LRRC4C: variants seen among roughly 807,000 people sequenced by gnomAD.
The protein encoded by LRRC4C is leucine rich repeat containing 4C.
Under a neutral mutation model 33.6 loss-of-function variants are expected in LRRC4C, and 5 were observed. The observed-to-expected ratio is 0.15, with a 90% confidence interval of 0.08 to 0.31. The LOEUF is 0.31. Among genes scored for constraint, LRRC4C ranks in the 10% least tolerant of loss-of-function variants. The pLI, the probability that LRRC4C is intolerant of heterozygous loss-of-function variation, is 1.00. For missense variants in LRRC4C, 560 were observed against 796.7 expected, an observed-to-expected ratio of 0.70 and a Z score of 3.58; for synonymous variants, 329 against 302.0, an observed-to-expected ratio of 1.09 and a Z score of -0.93.
At position 40,760,795 on chromosome 11, in the gene LRRC4C, A is replaced by AT. The variant is rs1156383726; in HGVS notation, c.-406-112518dup. 2.6e-4 allele frequency among the ~76,000 whole-genome samples: 34 copies of AT among 132,624 alleles called. No individual in the cohort carries two copies. In the East Asian group the frequency reaches 5.5e-3, roughly 21 times the overall value. The allele number at this position is 132,624 out of a possible 152,430, so 87.0% of individuals were successfully genotyped here. On this transcript the variant is annotated intron_variant, in intron 2 of 6. Transcript: ENST00000528697. ...CTGGCCAATTTTTGTGTGTATATATATATATACACACACACACACACACAC... is the reference window on the plus strand; with the variant it reads ...CTGGCCAATTTTTGTGTGTATATATATTATATACACACACACACACACACAC...
Position 40,259,263 on chromosome 11 carries a change from T to G in LRRC4C, c.-175-17665A>C, listed in dbSNP as rs559270729. Among the ~76,000 whole-genome samples the G allele has an allele frequency of 1.1e-3, 165 of 148,728 alleles. 3 individuals are homozygous for G. Among genetic ancestry groups the G allele is most frequent in the Middle Eastern group, 0.01 (3 of 290 alleles). ...GCCCACTTTTTGATGGGGTTGTTTG[T>G]TTTTTTCTTGTAAATTTGTTTGAGT... On this transcript the variant is annotated intron_variant, in intron 4 of 6. Transcript: ENST00000528697.
chr11:40,962,513 T>C (rs1343009129), intron 1 of LRRC4C, among the ~76,000 whole-genome samples: 1 of 151,700 alleles, frequency 6.6e-6, no homozygotes, highest in East Asian at 1.9e-4. Context: ...TAAATAACTA[T>C]CTTCAGCTAG....
At chr11:40,244,597 C>A (rs973987514) in intron 4 of LRRC4C, among the ~76,000 whole-genome samples, 31 of 152,160 alleles carry the variant, frequency 2.0e-4, no homozygotes, top group African/African-American at 7.5e-4. Flanking sequence ...CAAAGTCATC[C>A]ACACTTCCTT....
At chr11:40,489,023 A>G (rs1420684572) in intron 3 of LRRC4C, among the ~76,000 whole-genome samples, 2 of 152,048 alleles carry the variant, frequency 1.3e-5, no homozygotes, top group Non-Finnish European at 2.9e-5. Context: ...TACTCACTGA[A>G]TAACTGAGGA....
At chr11:41,160,246 A>T (rs1193343065) in intron 1 of LRRC4C, among the ~76,000 whole-genome samples, 1 of 152,048 alleles carries the variant, frequency 6.6e-6, no homozygotes, top group Non-Finnish European at 1.5e-5. Context: ...GATGGGTGCC[A>T]TTGTCCCAGC....
intron 2 of LRRC4C, among the ~76,000 whole-genome samples, chr11:40,870,442 G>C (rs1379269256): frequency 6.6e-6 from 1 of 152,084 alleles, no homozygotes; most frequent in Non-Finnish European, 1.5e-5. Context: ...TCTCATACTA[G>C]AATCAGGGCT....
chr11:41,327,792 C>T (rs989410086), intron 1 of LRRC4C, among the ~76,000 whole-genome samples: 8 of 152,062 alleles, frequency 5.3e-5, no homozygotes, highest in Non-Finnish European at 1.0e-4. Context: ...TTAAAAAGGG[C>T]GATTCCCCTG....
chr11:40,259,880 C>T lies in LRRC4C; in HGVS notation c.-175-18282G>A, dbSNP rs570448806. On this transcript the variant is annotated intron_variant, in intron 4 of 6. Coordinates refer to ENST00000528697, the MANE Select transcript of LRRC4C (RefSeq NM_001258419.2). Reference sequence around the variant, plus strand: ...TACCATCTCACACCAGTTAGAATGTCGATCATTAAAAAGTCAGGAAACAAC... The same window carrying T: ...TACCATCTCACACCAGTTAGAATGTTGATCATTAAAAAGTCAGGAAACAAC... Among the ~76,000 whole-genome samples the T allele has an allele frequency of 5.0e-3, 760 of 151,924 alleles. 3 individuals are homozygous for T. Among genetic ancestry groups the T allele is most frequent in the Non-Finnish European group, 7.5e-3 (513 of 67,976 alleles).
At chr11:40,183,207 T>C (rs1407577981) in intron 5 of LRRC4C, among the ~76,000 whole-genome samples, 2 of 152,242 alleles carry the variant, frequency 1.3e-5, no homozygotes, top group Non-Finnish European at 2.9e-5. Context: ...GGCATTTTTT[T>C]TTCTCTTTAA....
At chr11:40,967,018 C>T (rs115750389) in intron 1 of LRRC4C, among the ~76,000 whole-genome samples, 2,122 of 152,082 alleles carry the variant, frequency 0.014, 56 homozygotes, top group African/African-American at 0.049. Context: ...ACGATAGGGG[C>T]AATCTGGGAG....
chr11:40,700,940 A>T (rs1282302503), intron 2 of LRRC4C, among the ~76,000 whole-genome samples: 1 of 151,964 alleles, frequency 6.6e-6, no homozygotes, highest in Non-Finnish European at 1.5e-5. Context: ...GCTCTTTCCA[A>T]CTCACTCCCC....
chr11:40,246,630 T>G (rs937002282), intron 4 of LRRC4C, among the ~76,000 whole-genome samples: 2 of 152,146 alleles, frequency 1.3e-5, no homozygotes, highest in Admixed American at 1.3e-4. Flanking sequence ...AAAAGAAAAC[T>G]GAAATATATC....
At chr11:41,457,550 A>G (rs1019149542) in intron 1 of LRRC4C, among the ~76,000 whole-genome samples, 3 of 152,178 alleles carry the variant, frequency 2.0e-5, no homozygotes, top group Non-Finnish European at 2.9e-5. Context: ...TATGAACCTC[A>G]GATTGTTTTT....
intron 3 of LRRC4C, among the ~76,000 whole-genome samples, chr11:40,628,830 A>T (rs1487371132): frequency 6.6e-6 from 1 of 152,206 alleles, no homozygotes; most frequent in African/African-American, 2.4e-5. Flanking sequence ...AGAATTTGAG[A>T]TGTTTTCATC....
At position 40,205,484 on chromosome 11, in the gene LRRC4C, A is replaced by G. The variant is rs560885463; in HGVS notation, c.-96+36035T>C. Among the ~76,000 whole-genome samples the G allele has an allele frequency of 3.6e-4, 55 of 152,068 alleles. 1 individual carries two copies. In the South Asian group the frequency reaches 0.011, roughly 31 times the overall value. On this transcript the variant is annotated intron_variant, in intron 5 of 6. Coordinates refer to ENST00000528697, the MANE Select transcript of LRRC4C (RefSeq NM_001258419.2). The stretch of plus-strand genomic sequence containing the variant: ...GGGGTGAGAAGAATAATAGCTAGTA[A>G]TTTTTTTTCTAGACTACAGTCATGA...
At chr11:40,775,698 A>G (rs535003416) in intron 2 of LRRC4C, among the ~76,000 whole-genome samples, 1 of 152,284 alleles carries the variant, frequency 6.6e-6, no homozygotes, top group African/African-American at 2.4e-5. Context: ...CGTTTTTAAG[A>G]TACAAAATCA....
chr11:41,404,468 A>ATG (rs1177170001), intron 1 of LRRC4C, among the ~76,000 whole-genome samples: 32 of 127,568 alleles, frequency 2.5e-4, no homozygotes, highest in Admixed American at 6.2e-4. Context: ...CCCCAGGGCT[A>ATG]TGTGTGTGTG....
intron 1 of LRRC4C, among the ~76,000 whole-genome samples, chr11:40,956,112 G>C (rs923065760): frequency 5.9e-5 from 9 of 151,750 alleles, no homozygotes; most frequent in African/African-American, 2.2e-4. Context: ...CTTGAACAGT[G>C]AGCAATGGAA....
chr11:40,234,935 C>G (rs2136041826), intron 5 of LRRC4C, among the ~76,000 whole-genome samples: 1 of 152,298 alleles, frequency 6.6e-6, no homozygotes, highest in East Asian at 1.9e-4. Context: ...CACAAGGTTT[C>G]TCCCCATTGA....
Sources: allele counts gnomAD v4.1 joint callset (sites outside exome capture counted in the v4.1 genomes callset), GRCh38; gene constraint gnomAD v4.1.1; transcripts MANE v1.5; gene names NCBI Gene and HGNC (gene_info 2026-07-23, HGNC 2026-07-21).